Variants in TENM2 observed in about 807,000 individuals in gnomAD.
TENM2 encodes the protein teneurin transmembrane protein 2, also known as teneurin-2.
A neutral mutation model predicts 245.2 loss-of-function variants in TENM2; 52 were observed. The observed-to-expected ratio is 0.21, with a 90% CI of 0.17 to 0.27. TENM2 has a LOEUF of 0.27. TENM2 is among the 10% of genes least tolerant of loss of function. The pLI, the probability that TENM2 is intolerant of heterozygous loss-of-function variation, is 1.00. For synonymous variants in TENM2, 1,363 were observed against 1,438.9 expected, an observed-to-expected ratio of 0.95 and a Z score of 1.19; for missense variants, 3,046 against 3,666.8, an observed-to-expected ratio of 0.83 and a Z score of 4.37.
chr5:167,335,065 T>C (rs6886887), intron 1 of TENM2, among the ~76,000 whole-genome samples: 1 of 151,930 alleles, frequency 6.6e-6, no homozygotes, highest in East Asian at 1.9e-4. Flanking sequence ...TGAGATAAAG[T>C]AAGGAAAAGA....
At chr5:167,790,753 T>C (rs1459413725) in intron 2 of TENM2, among the ~76,000 whole-genome samples, 2 of 152,156 alleles carry the variant, frequency 1.3e-5, no homozygotes, top group African/African-American at 4.8e-5. Flanking sequence ...TGGCACTCCT[T>C]TCTCTAACCT....
the TENM2 span, among the ~76,000 whole-genome samples, chr5:167,154,177 G>A: frequency 6.6e-6 from 1 of 152,184 alleles, no homozygotes; most frequent in African/African-American, 2.4e-5. Flanking sequence ...GTCTGTTCTT[G>A]TGTATATGTA....
At chr5:167,817,565 G>A (rs1767158023) in intron 2 of TENM2, among the ~76,000 whole-genome samples, 1 of 152,072 alleles carries the variant, frequency 6.6e-6, no homozygotes, top group South Asian at 2.1e-4. Context: ...ATAGTTAGAT[G>A]GCTTAACAAA....
intron 6 of TENM2, among the ~76,000 whole-genome samples, chr5:168,059,949 A>G (rs141824058): frequency 6.6e-6 from 1 of 152,368 alleles, no homozygotes; most frequent in Non-Finnish European, 1.5e-5. Context: ...AGGACACTGA[A>G]GCAGAGCAAG....
In TENM2 at chr5:167,579,067, G is replaced by C. The variant is rs540350257; in HGVS notation, c.502+203594G>C. 5.9e-5 allele frequency among the ~76,000 whole-genome samples: 9 copies of C among 152,204 alleles called. No homozygotes were observed. In the South Asian group the frequency reaches 1.9e-3, roughly 32 times the overall value. On this transcript the variant is annotated intron_variant, in intron 2 of 28. Coordinates refer to ENST00000518659, the Ensembl canonical transcript of TENM2. ...TCCTCCAACCACTTTAATTTAATTT[G>C]TTCCATTTACTTTTCCAAGCTTTCC... is the stretch of plus-strand genomic sequence containing the variant.
intron 2 of TENM2, among the ~76,000 whole-genome samples, chr5:167,467,889 C>T (rs949334323): frequency 1.3e-5 from 2 of 152,078 alleles, no homozygotes; most frequent in African/African-American, 4.8e-5. Flanking sequence ...TTCGCTAGCA[C>T]CTTGATCAGA....
chr5:167,819,060 G>GTGTGAC, intron 2 of TENM2, among the ~76,000 whole-genome samples: 2 of 120,930 alleles, frequency 1.7e-5, no homozygotes, highest in African/African-American at 7.6e-5. Context: ...GTGTGTGACT[G>GTGTGAC]TGTGTGTGTG....
intron 2 of TENM2, among the ~76,000 whole-genome samples, chr5:167,875,228 A>G (rs931828541): frequency 1.3e-5 from 2 of 152,178 alleles, no homozygotes; most frequent in African/African-American, 4.8e-5. Flanking sequence ...ATTGAAGAGA[A>G]GAAGTGAGAT....
At chr5:167,359,306 A>G (rs985593557) in intron 1 of TENM2, among the ~76,000 whole-genome samples, 1 of 152,138 alleles carries the variant, frequency 6.6e-6, no homozygotes, top group East Asian at 1.9e-4. Context: ...TTCCAGCCAC[A>G]AAGTCCCCCT....
chr5:168,025,771 T>C (rs1218256498), intron 5 of TENM2, among the ~76,000 whole-genome samples: 1 of 152,192 alleles, frequency 6.6e-6, no homozygotes, highest in African/African-American at 2.4e-5. Context: ...CATGAAAAGA[T>C]GGAGGCAAAT....
intron 1 of TENM2, among the ~76,000 whole-genome samples, chr5:167,292,315 T>G (rs1424141353): frequency 6.6e-6 from 1 of 152,208 alleles, no homozygotes; most frequent in Non-Finnish European, 1.5e-5. Flanking sequence ...CAAAATTTGT[T>G]TCCGTTTTTC....
intron 1 of TENM2, among the ~76,000 whole-genome samples, chr5:167,366,391 CTGTAGACTGATGA>C (rs1760057570): frequency 6.6e-6 from 1 of 152,078 alleles, no homozygotes; most frequent in African/African-American, 2.4e-5. Flanking sequence ...GTTTCTTCCT[CTGTAGACTGATGA>C]TCATCATAAT....
intron 7 of TENM2, chr5:168,085,383 C>CATGCCTG: frequency 6.6e-6 from 1 of 152,288 alleles, no homozygotes; most frequent in African/African-American, 2.4e-5. Flanking sequence ...CCTGTGGAGC[C>CATGCCTG]TGGCATGATG....
intron 2 of TENM2, among the ~76,000 whole-genome samples, chr5:167,615,863 C>T (rs947524229): frequency 6.6e-6 from 1 of 152,082 alleles, no homozygotes; most frequent in East Asian, 1.9e-4. Flanking sequence ...TCCATTTCTA[C>T]TTTTGATAGA....
chr5:167,198,901 G>A, the TENM2 span, among the ~76,000 whole-genome samples: 4 of 152,038 alleles, frequency 2.6e-5, no homozygotes, highest in Non-Finnish European at 5.9e-5. Context: ...TAATTCCACA[G>A]TGTATACCCC....
chr5:167,015,148 G>T, the TENM2 span, among the ~76,000 whole-genome samples: 1 of 152,136 alleles, frequency 6.6e-6, no homozygotes, highest in South Asian at 2.1e-4. Flanking sequence ...ATGTAAGAAT[G>T]AATGACTAAT....
chr5:167,995,370 T>G (rs1286938341), intron 5 of TENM2, among the ~76,000 whole-genome samples: 1 of 152,248 alleles, frequency 6.6e-6, no homozygotes, highest in Non-Finnish European at 1.5e-5. Flanking sequence ...CTGAGCATCT[T>G]AGCATCGTTT....
the TENM2 span, among the ~76,000 whole-genome samples, chr5:167,078,617 T>C: frequency 6.6e-6 from 1 of 152,332 alleles, no homozygotes; most frequent in African/African-American, 2.4e-5. Context: ...AACAGTCATG[T>C]TCCTTAAAGT....
intron 5 of TENM2, among the ~76,000 whole-genome samples, chr5:167,999,445 C>CTG (rs1287900380): frequency 1.3e-5 from 2 of 152,212 alleles, no homozygotes; most frequent in Non-Finnish European, 2.9e-5. Flanking sequence ...AGTGCTTACA[C>CTG]ACTGGTGAGT....
Sources: gnomAD v4.1 joint callset for allele counts (sites outside exome capture counted in the v4.1 genomes callset) on GRCh38, gnomAD v4.1.1 for gene constraint, MANE v1.5 for transcripts, NCBI Gene and HGNC (gene_info 2026-07-23, HGNC 2026-07-21) for gene names.